Variants in COQ10B observed in about 807,000 individuals in gnomAD.
COQ10B encodes coenzyme Q10B, also known as coenzyme Q-binding protein COQ10 homolog B, mitochondrial.
In COQ10B, 12 loss-of-function variants were observed where a neutral mutation model predicts 27.6. The observed-to-expected ratio is 0.43, with a 90% CI of 0.28 to 0.70. The LOEUF is 0.70. COQ10B is among the 30% of genes least tolerant of loss of function. The pLI is 0.17. For synonymous variants in COQ10B, 115 were observed against 103.0 expected (o/e 1.12, Z -0.71); for missense variants, 278 against 288.7 (o/e 0.96, Z 0.27).
chr2:197,465,475 A>G (rs1165045409), intron 3 of COQ10B, among the ~76,000 whole-genome samples: 3 of 151,942 alleles, frequency 2.0e-5, no homozygotes, highest in Non-Finnish European at 2.9e-5. Flanking sequence ...TATTTTTAGT[A>G]GAGACGGGGT....
At position 197,474,991 on chromosome 2, in the gene COQ10B, A is replaced by G. The variant is rs547289972; in HGVS notation, c.*1067A>G. 3.3e-5 allele frequency: 5 copies of G among 152,372 alleles called. No homozygotes were observed. Among genetic ancestry groups the G allele is most frequent in the South Asian group, 2.1e-4 (1 of 4,824 alleles). 9.4% of individuals were successfully genotyped at this position (152,372 alleles called of 1,614,324 possible). A position where few individuals can be genotyped will look rare whatever the true frequency, so the allele number is the denominator to read the frequency against. The stretch of plus-strand genomic sequence containing the variant: ...AAGTTGGTTGAATGTCTCCAGCACT[A>G]TGCATCCCTATTTTCTATTTATTGT... On this transcript the variant is annotated 3_prime_UTR_variant, in exon 5 of 5. Transcript: ENST00000263960.
intron 1 of COQ10B, among the ~76,000 whole-genome samples, chr2:197,456,427 G>A (rs2085699061): frequency 6.7e-6 from 1 of 149,234 alleles, no homozygotes; most frequent in Non-Finnish European, 1.5e-5. Flanking sequence ...TAGCACCGCT[G>A]CACTCCAGCC....
intron 1 of COQ10B, chr2:197,454,254 C>T: frequency 1.0e-6 from 1 of 992,208 alleles, no homozygotes. Context: ...CTGGTTGGTT[C>T]ATTTTTTGGT....
At chr2:197,471,576 C>T (rs1403817079) in intron 4 of COQ10B, among the ~76,000 whole-genome samples, 2 of 152,130 alleles carry the variant, frequency 1.3e-5, no homozygotes, top group Non-Finnish European at 2.9e-5. Context: ...GAAATGGTGG[C>T]AATTTTGACT....
chr2:197,462,793 G>A, intron 3 of COQ10B, 62 bp downstream of exon 3: 1 of 1,049,554 alleles, frequency 9.5e-7, no homozygotes. Flanking sequence ...TGTCAAATGA[G>A]TTAAAATGTA....
intron 3 of COQ10B, among the ~76,000 whole-genome samples, chr2:197,464,052 C>T (rs1479483109): frequency 2.2e-4 from 15 of 67,448 alleles, no homozygotes; most frequent in Non-Finnish European, 4.5e-4. Flanking sequence ...TATATATATA[C>T]GTATATATAT....
rs2085928331 is a variant in COQ10B at position 197,474,452 on chromosome 2, G to A, written c.*528G>A. On this transcript the variant is annotated 3_prime_UTR_variant, in exon 5 of 5. Transcript: ENST00000263960. ...TGTAATCCCAGCACTTGGGGAAGCT[G>A]AGGTGGGCAGATCAGTTGAGGTCAG... 6.6e-6 allele frequency: 1 copy of A among 152,312 alleles called. No individual in the cohort carries two copies. The highest frequency in any genetic ancestry group is 2.1e-4 in the South Asian group (1 of 4,836). The allele number at this position is 152,312 out of a possible 1,614,324, so 9.4% of individuals were successfully genotyped here. A position where few individuals can be genotyped will look rare whatever the true frequency, so the allele number is the denominator to read the frequency against.
chr2:197,470,076 T>A lies in COQ10B; in HGVS notation c.454T>A (p.Cys152Ser). 6.2e-7 allele frequency: 1 copy of A among 1,607,102 alleles called. No homozygotes were observed. The highest frequency in any genetic ancestry group is 8.5e-7 in the Non-Finnish European group (1 of 1,174,318). Reference sequence around the variant, plus strand: ...TTTTTTCATTTTGTTGTAGGCATCTTGTACTGATGGGAGACTTTTCAATCA... The same window carrying A: ...TTTTTTCATTTTGTTGTAGGCATCTAGTACTGATGGGAGACTTTTCAATCA... ...LVKPHLVKAS[C>S]TDGRLFNHLE... Residue 152 changes from cysteine (C) to serine (S), a missense_variant, in exon 4 of 5, where the codon TGT (cysteine) becomes AGT (serine). Cys to Ser is a moderately radical substitution (Grantham distance 112). Coordinates refer to ENST00000263960, the MANE Select transcript of COQ10B (RefSeq NM_025147.5).
intron 3 of COQ10B, among the ~76,000 whole-genome samples, chr2:197,467,753 T>C (rs1454337070): frequency 6.6e-6 from 1 of 152,200 alleles, no homozygotes; most frequent in Non-Finnish European, 1.5e-5. Flanking sequence ...AAAATTATTA[T>C]AAGGGAAGAA....
intron 1 of COQ10B, among the ~76,000 whole-genome samples, chr2:197,455,161 C>T (rs1010761439): frequency 1.3e-5 from 2 of 150,074 alleles, no homozygotes; most frequent in African/African-American, 5.0e-5. Context: ...GAACCTGGTA[C>T]AAAGGTTCAT....
At position 197,473,812 on chromosome 2, in the gene COQ10B, A is replaced by G. The variant is rs1031133076; in HGVS notation, c.605A>G (p.Asp202Gly). ...LHSQLATLFF[D>G]EVVKQMVAAF... Reference sequence around the variant, plus strand: ...TCCCAGCTTGCCACACTCTTTTTTGATGAAGTTGTGAAGCAGATGGTAGCT... The same window carrying G: ...TCCCAGCTTGCCACACTCTTTTTTGGTGAAGTTGTGAAGCAGATGGTAGCT... The change falls in exon 5 of 5, where the codon GAT becomes GGT. Residue 202 changes from aspartate (D) to glycine (G), a missense_variant. Transcript: ENST00000263960. The G allele has an allele frequency of 9.4e-6, 15 of 1,596,060 alleles. No individual in the cohort carries two copies. In the Admixed American group the frequency reaches 1.5e-4, roughly 16 times the overall value.
intron 4 of COQ10B, among the ~76,000 whole-genome samples, chr2:197,473,415 A>AAAAAT (rs1229206676): frequency 2.0e-3 from 120 of 59,488 alleles, no homozygotes; most frequent in African/African-American, 9.3e-3. Context: ...AAAAAAAAAA[A>AAAAAT]ATATATATAT....
intron 1 of COQ10B, 39 bp downstream of exon 1, chr2:197,453,703 C>T (rs754100782): frequency 1.3e-6 from 2 of 1,543,400 alleles, no homozygotes; most frequent in South Asian, 1.1e-5. Context: ...GAGTAGTTTT[C>T]GATTTTGGCT....
chr2:197,473,477 C>T (rs1253545074), intron 4 of COQ10B, among the ~76,000 whole-genome samples: 5 of 124,144 alleles, frequency 4.0e-5, no homozygotes, highest in South Asian at 2.6e-4. Context: ...TATATATACA[C>T]GTATATATAT....
chr2:197,461,026 A>G (rs1052976389), intron 2 of COQ10B, among the ~76,000 whole-genome samples: 5 of 152,242 alleles, frequency 3.3e-5, no homozygotes, highest in Admixed American at 6.5e-5. Context: ...CTAACTGGCC[A>G]TGAAGCTTTG....
intron 3 of COQ10B, among the ~76,000 whole-genome samples, chr2:197,463,980 T>TAC (rs1559293140): frequency 1.2e-5 from 1 of 80,184 alleles, no homozygotes; most frequent in Non-Finnish European, 2.4e-5. Flanking sequence ...TATATATATA[T>TAC]ATATATATAT....
chr2:197,473,178 T>C (rs985553692), intron 4 of COQ10B, among the ~76,000 whole-genome samples: 18 of 151,880 alleles, frequency 1.2e-4, no homozygotes, highest in African/African-American at 4.4e-4. Flanking sequence ...AAATCCCACC[T>C]ACATACATCC....
rs1340830188 is a variant in COQ10B at position 197,471,901 on chromosome 2, C to T, written c.549+1730C>T. 3.4e-5 allele frequency among the ~76,000 whole-genome samples: 5 copies of T among 148,982 alleles called. No individual in the cohort carries two copies. In the East Asian group the frequency reaches 9.9e-4, roughly 29 times the overall value. On this transcript the variant is annotated intron_variant, in intron 4 of 4. Coordinates refer to ENST00000263960, the MANE Select transcript of COQ10B (RefSeq NM_025147.5). The stretch of plus-strand genomic sequence containing the variant: ...ACGTTGCAGTGATCTGAGATCGTAC[C>T]ACTGCACTCCAACCTGGGTGACAGA...
chr2:197,473,475 CACGTATATATATGTATAT>C (rs1472678586), intron 4 of COQ10B, among the ~76,000 whole-genome samples: 1 of 116,090 alleles, frequency 8.6e-6, no homozygotes, highest in East Asian at 2.6e-4. Flanking sequence ...TGTATATATA[CACGTATATATATGTATAT>C]ACGTATATAT....
Sources: allele counts gnomAD v4.1 joint callset (sites outside exome capture counted in the v4.1 genomes callset), GRCh38; gene constraint gnomAD v4.1.1; transcripts MANE v1.5; gene names NCBI Gene and HGNC (gene_info 2026-07-23, HGNC 2026-07-21).